BBS9: variants seen among roughly 807,000 people sequenced by gnomAD.
BBS9 encodes Bardet-Biedl syndrome 9.
Under a neutral mutation model 117.7 loss-of-function variants are expected in BBS9, and 89 were observed. The observed-to-expected ratio is 0.76, with a 90% CI of 0.64 to 0.90. BBS9 has a LOEUF of 0.90. Among genes scored for constraint, BBS9 ranks in the 40% least tolerant of loss-of-function variants. The probability of loss-of-function intolerance (pLI) is 0.00; values close to 1 mark genes in which losing one functional copy is unlikely to be tolerated. For synonymous variants in BBS9, 379 were observed against 370.9 expected, an observed-to-expected ratio of 1.02 and a Z score of -0.25; for missense variants, 982 against 1,042.2, an observed-to-expected ratio of 0.94 and a Z score of 0.80.
chr7:33,484,491 G>A (rs1309146548), intron 19 of BBS9, among the ~76,000 whole-genome samples: 1 of 151,702 alleles, frequency 6.6e-6, no homozygotes, highest in Non-Finnish European at 1.5e-5. Flanking sequence ...GTTTTTTGTT[G>A]GTTGGTTTTT....
chr7:33,411,600 A>G (rs1413484246), intron 19 of BBS9, among the ~76,000 whole-genome samples: 2 of 152,134 alleles, frequency 1.3e-5, no homozygotes, highest in Non-Finnish European at 2.9e-5. Context: ...TATGTACTTA[A>G]TTAAACTTCT....
intron 9 of BBS9, chr7:33,277,097 A>T (rs1800910748): frequency 4.7e-6 from 1 of 213,808 alleles, no homozygotes; most frequent in Non-Finnish European, 1.1e-5. Context: ...TCACCTGGGG[A>T]CAGACTGTGG....
chr7:33,385,839 CTTTA>C (rs58815212), intron 18 of BBS9, among the ~76,000 whole-genome samples: 27,984 of 151,794 alleles, frequency 0.18, 2,796 homozygotes, highest in Non-Finnish European at 0.22. Context: ...CTTTTAAAAA[CTTTA>C]TTTAAAAATA....
chr7:33,140,393 T>TC (rs1210950174), intron 1 of BBS9, among the ~76,000 whole-genome samples: 1 of 152,214 alleles, frequency 6.6e-6, no homozygotes, highest in Non-Finnish European at 1.5e-5. Flanking sequence ...TTTCTTCAGA[T>TC]ATCCCATCAT....
At chr7:33,492,811 AGTGTGTGTGTGT>A (rs57870306) in intron 19 of BBS9, among the ~76,000 whole-genome samples, 361 of 131,668 alleles carry the variant, frequency 2.7e-3, no homozygotes, top group Non-Finnish European at 4.2e-3. Flanking sequence ...TATAGGAGTG[AGTGTGTGTGTGT>A]GTGTGTGTGT....
At chr7:33,207,825 T>C (rs1009522245) in intron 5 of BBS9, among the ~76,000 whole-genome samples, 1 of 152,096 alleles carries the variant, frequency 6.6e-6, no homozygotes, top group Non-Finnish European at 1.5e-5. Context: ...TTTTTTTTTT[T>C]GAGATAGAGT....
intron 15 of BBS9, among the ~76,000 whole-genome samples, chr7:33,354,644 T>C (rs898837097): frequency 2.6e-5 from 4 of 152,142 alleles, no homozygotes; most frequent in African/African-American, 7.2e-5. Flanking sequence ...TTTATTCATA[T>C]ATACTTATTT....
intron 9 of BBS9, chr7:33,276,996 G>A: frequency 4.1e-6 from 1 of 241,718 alleles, no homozygotes; most frequent in Non-Finnish European, 9.0e-6. Context: ...AGACTCCATG[G>A]CAGACTTGGC....
In BBS9 at chr7:33,358,442, G is replaced by T. The variant is rs568031228; in HGVS notation, c.1693+447G>T. Among the ~76,000 whole-genome samples, 4 of 151,942 alleles carry T rather than the reference G, an allele frequency of 2.6e-5. No individual in the cohort carries two copies. The South Asian group carries it at 8.3e-4, about 32-fold the overall frequency. ...CTGAAAAGTAATCTTATAAGTAGATGCTCTTTGTACTGTTTTATTCTGCTG... is the reference window on the plus strand; with the variant it reads ...CTGAAAAGTAATCTTATAAGTAGATTCTCTTTGTACTGTTTTATTCTGCTG... On this transcript the variant is annotated intron_variant, in intron 16 of 22. Transcript: ENST00000242067.
At chr7:33,449,446 C>T (rs543279037) in intron 19 of BBS9, among the ~76,000 whole-genome samples, 5 of 152,138 alleles carry the variant, frequency 3.3e-5, no homozygotes, top group Non-Finnish European at 7.4e-5. Flanking sequence ...CTAAGTTAAC[C>T]CCTAGAGTAA....
intron 5 of BBS9, among the ~76,000 whole-genome samples, chr7:33,179,674 G>A (rs1431902382): frequency 1.3e-5 from 2 of 152,064 alleles, no homozygotes; most frequent in South Asian, 2.1e-4. Context: ...ATATTACAAT[G>A]TAATAATAAT....
chr7:33,131,764 G>C (rs1053493603), intron 1 of BBS9, among the ~76,000 whole-genome samples: 13 of 152,050 alleles, frequency 8.5e-5, no homozygotes, highest in South Asian at 2.1e-4. Context: ...CGTCTTTGCC[G>C]AGCATGGCAG....
At chr7:33,601,014 T>A (rs1171227538) in intron 21 of BBS9, among the ~76,000 whole-genome samples, 1 of 152,132 alleles carries the variant, frequency 6.6e-6, no homozygotes, top group Non-Finnish European at 1.5e-5. Flanking sequence ...CAAAATGATC[T>A]GGGGTAACAT....
At chr7:33,376,668 T>G (rs1823956478) in intron 17 of BBS9, among the ~76,000 whole-genome samples, 2 of 152,190 alleles carry the variant, frequency 1.3e-5, no homozygotes, top group African/African-American at 4.8e-5. Context: ...CAGCAGTGTA[T>G]AAGCATTCTT....
intron 5 of BBS9, among the ~76,000 whole-genome samples, chr7:33,244,442 C>G (rs1462612708): frequency 6.6e-6 from 1 of 152,106 alleles, no homozygotes; most frequent in Non-Finnish European, 1.5e-5. Context: ...TTTTCCTAAC[C>G]TTCCTCTGGG....
chr7:33,517,699 G>A (rs1007405117), intron 20 of BBS9, among the ~76,000 whole-genome samples: 1 of 152,158 alleles, frequency 6.6e-6, no homozygotes, highest in Non-Finnish European at 1.5e-5. Context: ...ATTTATAGAT[G>A]AGGAAATGAG....
intron 21 of BBS9, among the ~76,000 whole-genome samples, chr7:33,629,070 C>A: frequency 6.6e-6 from 1 of 152,186 alleles, no homozygotes; most frequent in Middle Eastern, 3.2e-3. Flanking sequence ...AACTCTGATG[C>A]AACTGAGTCA....
intron 3 of BBS9, among the ~76,000 whole-genome samples, chr7:33,153,053 G>C (rs991464557): frequency 5.3e-5 from 8 of 152,116 alleles, no homozygotes; most frequent in Non-Finnish European, 1.5e-5. Flanking sequence ...CCTTTTAATA[G>C]TAATAGACTT....
chr7:33,168,049 T>C (rs1488026466), intron 4 of BBS9, among the ~76,000 whole-genome samples: 1 of 152,214 alleles, frequency 6.6e-6, no homozygotes, highest in East Asian at 1.9e-4. Flanking sequence ...TAATAACATA[T>C]TCATTAAAAT....
Sources: gnomAD v4.1 joint callset for allele counts (sites outside exome capture counted in the v4.1 genomes callset) on GRCh38, gnomAD v4.1.1 for gene constraint, MANE v1.5 for transcripts, NCBI Gene and HGNC (gene_info 2026-07-23, HGNC 2026-07-21) for gene names.